VWA5B2: variants seen among roughly 807,000 people sequenced by gnomAD.
VWA5B2 encodes the protein von Willebrand factor A domain-containing protein 5B2.
VWA5B2 carries 93 observed loss-of-function variants against 118.5 expected under a neutral mutation model. That is an observed-to-expected ratio of 0.79 (90% CI 0.66 to 0.93). VWA5B2 has a LOEUF of 0.93. Among genes scored for constraint, VWA5B2 ranks in the 40% least tolerant of loss-of-function variants. The probability of loss-of-function intolerance (pLI) is 0.00; values close to 1 mark genes in which losing one functional copy is unlikely to be tolerated. For missense variants in VWA5B2, 1,546 were observed against 1,672.8 expected (o/e 0.92, Z 1.32); for synonymous variants, 708 against 716.3 (o/e 0.99, Z 0.19).
rs796112560 is a variant in VWA5B2, at chr3:184,237,591, C to T, written c.1719+180C>T. 1.4e-4 allele frequency among the ~76,000 whole-genome samples: 22 copies of T among 152,320 alleles called. No homozygotes were observed. Among genetic ancestry groups the T allele is most frequent in the African/African-American group, 4.6e-4 (19 of 41,566 alleles). ...CACTGGGCCCCCTAAGATGACCACACCCTGTCCCCTTCATGGAGTCTTCCA... is the reference window on the plus strand; with the variant it reads ...CACTGGGCCCCCTAAGATGACCACATCCTGTCCCCTTCATGGAGTCTTCCA... On this transcript the variant is annotated intron_variant, in intron 12 of 19. Transcript: ENST00000691901. The surrounding 1 kb of genome is among the most constrained non-coding windows in gnomAD (Gnocchi z 5.6).
Position 184,230,687 on chromosome 3 carries a change from C to T in VWA5B2, c.139+20C>T, listed in dbSNP as rs1717293575. The T allele has an allele frequency of 8.1e-7, 1 of 1,230,404 alleles. No homozygotes were observed. The highest frequency in any genetic ancestry group is 1.6e-5 in the African/African-American group (1 of 63,566). The allele number at this position is 1,230,404 out of a possible 1,614,324, so 76.2% of individuals were successfully genotyped here. On this transcript the variant is annotated intron_variant, in intron 2 of 19. Transcript: ENST00000691901. ...TGGACGGTGAGGCCCGGGTGGGGCG[C>T]GGGCGCGGCGGGGGGTGCGCCGGGC...
Position 184,236,207 on chromosome 3 carries a change from C to CGTT in VWA5B2, c.1157_1158insGTT (p.Ala386_Val387insPhe). The CGTT allele has an allele frequency of 6.4e-7, 1 of 1,551,786 alleles. No homozygotes were observed. Among genetic ancestry groups the CGTT allele is most frequent in the African/African-American group, 1.4e-5 (1 of 73,192 alleles). On this transcript the variant is annotated inframe_insertion, in exon 9 of 20. Coordinates refer to ENST00000691901, the MANE Select transcript of VWA5B2 (RefSeq NM_001390846.1). ...CCGCCCCAGACGCTTATCAACCTGG[C>CGTT]CGTGTTTGGGACGTTGGTGCAGCCA...
Position 184,237,921 on chromosome 3 carries a change from T to C in VWA5B2, c.1720-382T>C, listed in dbSNP as rs1316824489. The stretch of plus-strand genomic sequence containing the variant: ...AAATGAGGTTTTTCACAGGTGGTTG[T>C]CATCAGGGGTCATAAAGTGAGTACT... On this transcript the variant is annotated intron_variant, in intron 12 of 19. Coordinates refer to ENST00000691901, the MANE Select transcript of VWA5B2 (RefSeq NM_001390846.1). This position sits in a 1 kb window ranked among gnomAD's most constrained non-coding sequence, Gnocchi z 5.6. Among the ~76,000 whole-genome samples, 1 of 152,200 alleles carries C rather than the reference T, an allele frequency of 6.6e-6. No individual in the cohort carries two copies. The highest frequency in any genetic ancestry group is 1.5e-5 in the Non-Finnish European group (1 of 68,028).
At position 184,241,629 on chromosome 3, in the gene VWA5B2, T is replaced by C; in HGVS notation, c.3320T>C (p.Leu1107Ser). 2 of 1,541,362 alleles carry C rather than the reference T, an allele frequency of 1.3e-6. No homozygotes were observed. The highest frequency in any genetic ancestry group is 2.0e-5 in the Admixed American group (1 of 50,962). The change falls in exon 20 of 20, where the codon TTG (leucine) becomes TCG (serine). Residue 1107 changes from leucine to serine, a missense_variant. Physicochemically the swap from Leu to Ser is moderately radical, Grantham distance 145 (BLOSUM62 -2). Transcript: ENST00000691901. This position sits in a 1 kb window ranked among gnomAD's most constrained non-coding sequence, Gnocchi z 5.1. The stretch of plus-strand genomic sequence containing the variant: ...AGCCTCAGCCCCACCTCGGCCTCAT[T>C]GCCCTGGGCACTTCTGGGCCCTGGT... Reference protein sequence around the residue: ...RASLSPTSASLPWALLGPGVG... With the variant: ...RASLSPTSASSPWALLGPGVG...
chr3:184,237,460 G>T lies in VWA5B2; in HGVS notation c.1719+49G>T. ...AGGGGGGCTAGGGTGAGGTAGGGGG[G>T]CCTGGGATGGCTGAAGTCCCCGCAT... On this transcript the variant is annotated intron_variant, in intron 12 of 19. Transcript: ENST00000691901. This position sits in a 1 kb window ranked among gnomAD's most constrained non-coding sequence, Gnocchi z 5.6. 6.7e-7 allele frequency: 1 copy of T among 1,501,562 alleles called. No individual in the cohort carries two copies. The allele number at this position is 1,501,562 out of a possible 1,614,324, so 93.0% of individuals were successfully genotyped here.
chr3:184,236,617 C>T, intron 10 of VWA5B2, 21 bp from the exon 11 acceptor site: 1 of 1,549,772 alleles, frequency 6.5e-7, no homozygotes, highest in Non-Finnish European at 8.7e-7. Context: ...AAGATCACAG[C>T]TGCTTCCTTT....
chr3:184,242,065 C>T lies in VWA5B2; in HGVS notation c.*27C>T. 4.5e-6 allele frequency: 7 copies of T among 1,544,292 alleles called. No homozygotes were observed. The highest frequency in any genetic ancestry group is 4.4e-6 in the Non-Finnish European group (5 of 1,146,406). ...GGCTGCCCCCTGCTGCTTGGGCTGG[C>T]GCCCCACCCAACACACTCAAGTCAC... On this transcript the variant is annotated 3_prime_UTR_variant, in exon 20 of 20. Transcript: ENST00000691901.
At position 184,237,851 on chromosome 3, in the gene VWA5B2, A is replaced by G. The variant is rs1222518830; in HGVS notation, c.1719+440A>G. The stretch of plus-strand genomic sequence containing the variant: ...AGCTCTGTCACTTACCAGCCATTTG[A>G]TTTGAGCAAGTCACTTCACCTCACT... On this transcript the variant is annotated intron_variant, in intron 12 of 19. Transcript: ENST00000691901. This position sits in a 1 kb window ranked among gnomAD's most constrained non-coding sequence, Gnocchi z 5.6. Among the ~76,000 whole-genome samples the G allele has an allele frequency of 6.6e-6, 1 of 152,112 alleles. No homozygotes were observed. The highest frequency in any genetic ancestry group is 2.4e-5 in the African/African-American group (1 of 41,414).
chr3:184,236,408 G>A lies in VWA5B2; in HGVS notation c.1278G>A (p.Val426=). 1 of 1,545,990 alleles carries A rather than the reference G, an allele frequency of 6.5e-7. No homozygotes were observed. ...TLQVPSGPPD[V]LAALDWAVGQ... ...AGGTTCCGAGTGGGCCCCCAGACGTGCTGGCTGCTCTGGACTGGGCCGTGG... is the reference window on the plus strand; with the variant it reads ...AGGTTCCGAGTGGGCCCCCAGACGTACTGGCTGCTCTGGACTGGGCCGTGG... Residue 426 remains valine, a synonymous_variant, in exon 10 of 20, where the codon GTG becomes GTA. Transcript: ENST00000691901.
In VWA5B2 at chr3:184,239,724, A is replaced by G. The variant is rs1718364910; in HGVS notation, c.2428A>G (p.Met810Val). The G allele has an allele frequency of 6.7e-7, 1 of 1,494,430 alleles. No individual in the cohort carries two copies. The highest frequency in any genetic ancestry group is 2.5e-5 in the East Asian group (1 of 40,328). 92.6% of individuals were successfully genotyped at this position (1,494,430 alleles called of 1,614,324 possible). A position where few individuals can be genotyped will look rare whatever the true frequency, so the allele number is the denominator to read the frequency against. The change falls in exon 16 of 20, where the codon ATG becomes GTG. Residue 810 changes from methionine to valine, a missense_variant. Physicochemically the swap from Met to Val is conservative, Grantham distance 21 (BLOSUM62 1). This residue lies in a region of VWA5B2 where 763 missense variants were observed against 766.6 expected (regional missense o/e 1.00). Coordinates refer to ENST00000691901, the MANE Select transcript of VWA5B2 (RefSeq NM_001390846.1). This position sits in a 1 kb window ranked among gnomAD's most constrained non-coding sequence, Gnocchi z 5.1. Reference protein sequence around the residue: ...LLSPAPMDWDMLMEPPFLFTA... With the variant: ...LLSPAPMDWDVLMEPPFLFTA... ...CTCCCCAGCCCCTATGGACTGGGACATGCTGATGGAACCACCCTTCTTATT... is the reference window on the plus strand; with the variant it reads ...CTCCCCAGCCCCTATGGACTGGGACGTGCTGATGGAACCACCCTTCTTATT...
rs1718107307 is a variant in VWA5B2 at position 184,237,354 on chromosome 3, G to A, written c.1662G>A (p.Gln554=). ...TCCCAGCACTCTACCCTGGGGACCA[G>A]CTGCTCGGTTACTGCTCACTCTTCA... The part of the protein sequence containing the change: ...REIPALYPGD[Q]LLGYCSLFRV... The change falls in exon 12 of 20, where the codon CAG becomes CAA. Residue 554 remains glutamine, a synonymous_variant. Transcript: ENST00000691901. The surrounding 1 kb of genome is among the most constrained non-coding windows in gnomAD (Gnocchi z 5.6). 1.2e-5 allele frequency: 19 copies of A among 1,551,308 alleles called. No individual in the cohort carries two copies. The highest frequency in any genetic ancestry group is 1.7e-5 in the Non-Finnish European group (19 of 1,146,954).
chr3:184,236,133 C>T lies in VWA5B2; in HGVS notation c.1102-19C>T. 6.5e-7 allele frequency: 1 copy of T among 1,549,326 alleles called. No homozygotes were observed. Among genetic ancestry groups the T allele is most frequent in the African/African-American group, 1.4e-5 (1 of 73,136 alleles). On this transcript the variant is annotated intron_variant, in intron 8 of 19. Transcript: ENST00000691901. ...GCCCATGGGGCCGGCCTCACGCCGC[C>T]CTCCCTGGCCCTCCACAGGATGCCA...
chr3:184,230,609 C>G lies in VWA5B2; in HGVS notation c.81C>G (p.Pro27=). ...DSWVRACANG[P]CLSVRARLTY... ...GGGTCCGGGCCTGCGCCAACGGCCC[C>G]TGCCTCAGCGTGCGGGCCCGGCTCA... Residue 27 remains proline, a synonymous_variant, in exon 2 of 20, where the codon CCC becomes CCG. Coordinates refer to ENST00000691901, the MANE Select transcript of VWA5B2 (RefSeq NM_001390846.1). 1 of 1,442,532 alleles carries G rather than the reference C, an allele frequency of 6.9e-7. No homozygotes were observed. The highest frequency in any genetic ancestry group is 9.1e-7 in the Non-Finnish European group (1 of 1,103,690). 89.4% of individuals were successfully genotyped at this position (1,442,532 alleles called of 1,614,324 possible).
chr3:184,233,513 G>A lies in VWA5B2; in HGVS notation c.531-63G>A. On this transcript the variant is annotated intron_variant, in intron 4 of 19. Transcript: ENST00000691901. The surrounding 1 kb of genome is among the most constrained non-coding windows in gnomAD (Gnocchi z 5.2). ...GAAGGGTGAGGAAGGGCTGGGGCCA[G>A]TCAGCCGGAGGGTTTAGGGGCCTTC... is the stretch of plus-strand genomic sequence containing the variant. 6.6e-7 allele frequency: 1 copy of A among 1,520,942 alleles called. No homozygotes were observed. The highest frequency in any genetic ancestry group is 2.5e-5 in the East Asian group (1 of 40,630). 94.2% of individuals were successfully genotyped at this position (1,520,942 alleles called of 1,614,324 possible). A position where few individuals can be genotyped will look rare whatever the true frequency, so the allele number is the denominator to read the frequency against.
At position 184,241,553 on chromosome 3, in the gene VWA5B2, A is replaced by C; in HGVS notation, c.3244A>C (p.Ile1082Leu). The C allele has an allele frequency of 2.6e-6, 4 of 1,549,508 alleles. No individual in the cohort carries two copies. The highest frequency in any genetic ancestry group is 3.5e-6 in the Non-Finnish European group (4 of 1,146,778). The change falls in exon 20 of 20, where the codon ATC becomes CTC. Residue 1082 changes from isoleucine to leucine, a missense_variant. Ile to Leu is a conservative substitution (Grantham distance 5). Coordinates refer to ENST00000691901, the MANE Select transcript of VWA5B2 (RefSeq NM_001390846.1). This position sits in a 1 kb window ranked among gnomAD's most constrained non-coding sequence, Gnocchi z 5.1. ...CGCGCCCTTCTGCGCCGCTGTGCGCATCTCGCAGGAGCGCCTCTGCCGTGC... is the reference window on the plus strand; with the variant it reads ...CGCGCCCTTCTGCGCCGCTGTGCGCCTCTCGCAGGAGCGCCTCTGCCGTGC... ...LDAPFCAAVR[I>L]SQERLCRASP...
Position 184,240,016 on chromosome 3 carries a change from C to T in VWA5B2, c.2720C>T (p.Ala907Val), listed in dbSNP as rs769106200. Residue 907 changes from alanine (A) to valine (V), a missense_variant, in exon 16 of 20, where the codon GCA (alanine) becomes GTA (valine). This residue lies in a region of VWA5B2 where 763 missense variants were observed against 766.6 expected (regional missense o/e 1.00). Transcript: ENST00000691901. The part of the protein sequence containing the change: ...DNEQLALRGG[A>V]ETTADRGHAR... ...GAGCAGCTGGCCCTCCGAGGAGGGG[C>T]AGAGACCACAGCTGACCGGGGTGAG... 4.5e-6 allele frequency: 7 copies of T among 1,545,306 alleles called. No individual in the cohort carries two copies. The highest frequency in any genetic ancestry group is 1.4e-5 in the African/African-American group (1 of 72,940).
At chr3:184,230,234 G>A (rs1717237210) in intron 1 of VWA5B2, among the ~76,000 whole-genome samples, 146 bp from the exon 2 acceptor site, 10 of 152,142 alleles carry the variant, frequency 6.6e-5, no homozygotes, top group Admixed American at 6.5e-4. Flanking sequence ...CCACCCCCGG[G>A]GGAGCCGCGG....
intron 8 of VWA5B2, among the ~76,000 whole-genome samples, chr3:184,235,571 C>T (rs956896448): frequency 3.3e-5 from 5 of 152,184 alleles, no homozygotes; most frequent in Admixed American, 1.3e-4. Flanking sequence ...CACACATAGA[C>T]TCGCACTCAG....
Position 184,233,160 on chromosome 3 carries a change from A to G in VWA5B2, c.311-18A>G, listed in dbSNP as rs1560150808. 6 of 1,545,510 alleles carry G rather than the reference A, an allele frequency of 3.9e-6. No homozygotes were observed. The African/African-American group carries it at 5.5e-5, about 14-fold the overall frequency. On this transcript the variant is annotated intron_variant, in intron 3 of 19. Transcript: ENST00000691901. This position sits in a 1 kb window ranked among gnomAD's most constrained non-coding sequence, Gnocchi z 5.2. ...TCTGCTTCCAGCATGCTCTGACCCC[A>G]TTTCTCACCCATCATAGGTCATCTT...
Sources: allele counts gnomAD v4.1 joint callset (sites outside exome capture counted in the v4.1 genomes callset), GRCh38; gene constraint gnomAD v4.1.1; regional missense constraint gnomAD v4.1.1; non-coding constraint Gnocchi (gnomAD v3.1); transcripts MANE v1.5; gene names NCBI Gene and HGNC (gene_info 2026-07-23, HGNC 2026-07-21).